The following HSPG2 variants were observed in gnomAD, a reference collection of about 807,000 sequenced individuals.
HSPG2 encodes heparan sulfate proteoglycan 2.
In HSPG2, 278 loss-of-function variants were observed where a neutral mutation model predicts 526.6. That is an observed-to-expected ratio of 0.53 (90% CI 0.48 to 0.58). The LOEUF is 0.58. HSPG2 is among the 20% of genes least tolerant of loss of function. The pLI, the probability that HSPG2 is intolerant of heterozygous loss-of-function variation, is 0.00. For missense variants in HSPG2, 5,354 were observed against 6,099.5 expected (o/e 0.88, Z 4.07); for synonymous variants, 2,465 against 2,555.4 (o/e 0.96, Z 1.07).
At position 21,841,140 on chromosome 1, in the gene HSPG2, C is replaced by A; in HGVS notation, c.9474G>T (p.Gln3158His). The change falls in exon 71 of 97, where the codon CAG becomes CAT. Residue 3158 changes from glutamine (Q) to histidine (H), a missense_variant. Physicochemically the swap from Gln to His is conservative, Grantham distance 24. Coordinates refer to ENST00000374695, the MANE Select transcript of HSPG2 (RefSeq NM_005529.7). ...RISSTPAKLE[Q>H]RTYGLMDSHA... ...GGCTGTCCATGAGCCCATATGTCCG[C>A]TGCTCCAACTTGGCAGGGGTGCTGC... 1 of 1,613,504 alleles carries A rather than the reference C, an allele frequency of 6.2e-7. No homozygotes were observed. Among genetic ancestry groups the A allele is most frequent in the Non-Finnish European group, 8.5e-7 (1 of 1,179,942 alleles).
intron 1 of HSPG2, among the ~76,000 whole-genome samples, chr1:21,924,305 G>A (rs923177307): frequency 2.1e-4 from 32 of 152,308 alleles, no homozygotes; most frequent in African/African-American, 6.3e-4. Flanking sequence ...CGGATGCCTT[G>A]GATCTTGTTG....
chr1:21,842,644 C>A, intron 67 of HSPG2, 126 bp downstream of exon 67: 1 of 1,288,856 alleles, frequency 7.8e-7, no homozygotes, highest in Admixed American at 1.9e-5. Flanking sequence ...TGAACTCGTC[C>A]CGCAAACGTA....
At chr1:21,866,031 A>T (rs4654993) in intron 33 of HSPG2, among the ~76,000 whole-genome samples, 1 of 152,046 alleles carries the variant, frequency 6.6e-6, no homozygotes, top group Admixed American at 6.6e-5. Context: ...GATGCTGAGC[A>T]GCCTCTTTGC....
Position 21,860,108 on chromosome 1 carries a change from G to T in HSPG2, c.5014+69C>A, listed in dbSNP as rs1474887921. On this transcript the variant is annotated intron_variant, in intron 40 of 96. Coordinates refer to ENST00000374695, the MANE Select transcript of HSPG2 (RefSeq NM_005529.7). ...ACCCTCAGCCCTGTCCCCAGACCCA[G>T]TATCCCCCAAATTCCCAGGGCTCCC... is the stretch of plus-strand genomic sequence containing the variant. 8.1e-6 allele frequency: 13 copies of T among 1,604,654 alleles called. No homozygotes were observed. The African/African-American group carries it at 1.6e-4, about 20-fold the overall frequency.
chr1:21,830,180 G>A (rs1193881614), intron 85 of HSPG2, 89 bp from the exon 86 acceptor site: 25 of 1,081,962 alleles, frequency 2.3e-5, no homozygotes, highest in Middle Eastern at 2.7e-4. Context: ...ATCACACCCC[G>A]GGGGGCTGGG....
intron 23 of HSPG2, 21 bp from the exon 24 acceptor site, chr1:21,876,063 G>T: frequency 6.2e-7 from 1 of 1,613,142 alleles, no homozygotes. Flanking sequence ...GGTTAGACAG[G>T]AGCTTGCGGA....
At chr1:21,932,208 C>A (rs1232420475) in intron 1 of HSPG2, among the ~76,000 whole-genome samples, 1 of 152,148 alleles carries the variant, frequency 6.6e-6, no homozygotes, top group Admixed American at 6.5e-5. Flanking sequence ...TACTTGGGAC[C>A]AGAGTTCTTA....
Position 21,861,835 on chromosome 1 carries a change from C to CG in HSPG2, c.4876dup (p.Arg1626ProfsTer4). 1 of 1,613,530 alleles carries CG rather than the reference C, an allele frequency of 6.2e-7. No homozygotes were observed. Among genetic ancestry groups the CG allele is most frequent in the Non-Finnish European group, 8.5e-7 (1 of 1,179,990 alleles). On this transcript the variant is annotated frameshift_variant, in exon 39 of 97. Transcript: ENST00000374695. LOFTEE classifies it high-confidence loss of function. The stretch of plus-strand genomic sequence containing the variant: ...GCCGGCTCCCAGGCTCTCACAGGTG[C>CG]GGGAAAACCTGGGATCGGGGAGGCA...
At chr1:21,905,719 G>A (rs905743688) in intron 1 of HSPG2, among the ~76,000 whole-genome samples, 1 of 152,158 alleles carries the variant, frequency 6.6e-6, no homozygotes, top group African/African-American at 2.4e-5. Context: ...TCCAGCCTGG[G>A]CAATAAGAGT....
At chr1:21,845,894 C>T (rs1246099953) in intron 64 of HSPG2, among the ~76,000 whole-genome samples, 1 of 152,234 alleles carries the variant, frequency 6.6e-6, no homozygotes, top group Non-Finnish European at 1.5e-5. Flanking sequence ...AGTCCAAAGC[C>T]TATGCTCGCA....
rs747577940 is a variant in HSPG2 at position 21,842,208 on chromosome 1, C to T, written c.9052+31G>A. 5 of 1,612,866 alleles carry T rather than the reference C, an allele frequency of 3.1e-6. No homozygotes were observed. The Admixed American group carries it at 6.7e-5, about 22-fold the overall frequency. On this transcript the variant is annotated intron_variant, in intron 68 of 96. Coordinates refer to ENST00000374695, the MANE Select transcript of HSPG2 (RefSeq NM_005529.7). The stretch of plus-strand genomic sequence containing the variant: ...GGCTTAGCTTCAGGGCCCTCCCTTC[C>T]CCCCTTGCCCATGGCATCTGCCATA...
intron 55 of HSPG2, among the ~76,000 whole-genome samples, chr1:21,850,974 C>CT (rs11431222): frequency 0.059 from 8,237 of 140,790 alleles, 782 homozygotes; most frequent in African/African-American, 0.2. Flanking sequence ...CTGTGAGGTA[C>CT]TTTTTTTTTT....
intron 1 of HSPG2, among the ~76,000 whole-genome samples, chr1:21,917,741 A>T (rs994507200): frequency 3.9e-5 from 6 of 152,038 alleles, no homozygotes; most frequent in Admixed American, 2.0e-4. Context: ...TAATCTATTC[A>T]TCCATCCTTC....
At position 21,836,873 on chromosome 1, in the gene HSPG2, A is replaced by T. The variant is rs920268945; in HGVS notation, c.10284T>A (p.Gly3428=). The change falls in exon 75 of 97, where the codon GGT becomes GGA. Residue 3428 remains glycine, a synonymous_variant. Coordinates refer to ENST00000374695, the MANE Select transcript of HSPG2 (RefSeq NM_005529.7). ...CTTCCTTGAACCAACGGAGCTGGGT[A>T]CCCCGGTCGCTGGGCACAGCACAGT... ...EFHCAVPSDR[G]TQLRWFKEGG... The T allele has an allele frequency of 6.3e-7, 1 of 1,576,908 alleles. No homozygotes were observed. The highest frequency in any genetic ancestry group is 1.8e-5 in the Admixed American group (1 of 54,930).
chr1:21,910,359 T>C (rs1643597270), intron 1 of HSPG2, among the ~76,000 whole-genome samples: 1 of 152,196 alleles, frequency 6.6e-6, no homozygotes, highest in Non-Finnish European at 1.5e-5. Context: ...CCCTGTAAGA[T>C]TCAGCACAAA....
intron 25 of HSPG2, 159 bp from the exon 26 acceptor site, chr1:21,875,161 A>C: frequency 1.5e-6 from 1 of 670,666 alleles, no homozygotes. Flanking sequence ...GACCGTGGCA[A>C]ACAGCTGTTA....
chr1:21,884,703 G>T, intron 12 of HSPG2, 29 bp from the exon 13 acceptor site: 1 of 1,610,470 alleles, frequency 6.2e-7, no homozygotes, highest in Non-Finnish European at 8.5e-7. Context: ...GGGGGCTGCA[G>T]CCGGCTGTGG....
In HSPG2 at chr1:21,859,991, G is replaced by A; in HGVS notation, c.5026C>T (p.Pro1676Ser). The change falls in exon 41 of 97, where the codon CCA becomes TCA. Residue 1676 changes from proline (P) to serine (S), a missense_variant. Coordinates refer to ENST00000374695, the MANE Select transcript of HSPG2 (RefSeq NM_005529.7). This position sits in a 1 kb window ranked among gnomAD's most constrained non-coding sequence, Gnocchi z 5.3. Reference protein sequence around the residue: ...GQCLPETNQAPLVVEVHPARS... With the variant: ...GQCLPETNQASLVVEVHPARS... Reference sequence around the variant, plus strand: ...GCAGGATGGACCTCGACCACCAGTGGGGCTTGGTTTGCTGGGGGTGGGGGC... The same window carrying A: ...GCAGGATGGACCTCGACCACCAGTGAGGCTTGGTTTGCTGGGGGTGGGGGC... 6.2e-7 allele frequency: 1 copy of A among 1,610,468 alleles called. No homozygotes were observed. The highest frequency in any genetic ancestry group is 1.1e-5 in the South Asian group (1 of 90,282).
At position 21,851,847 on chromosome 1, in the gene HSPG2, A is replaced by C; in HGVS notation, c.6950T>G (p.Met2317Arg). The change falls in exon 54 of 97, where the codon ATG becomes AGG. Residue 2317 changes from methionine (M) to arginine (R), a missense_variant. Met to Arg is a moderately conservative substitution (Grantham distance 91). Transcript: ENST00000374695. ...GQYVCRASNG[M>R]EASITVTVTG... ...TACTGTGACCGTGATGGAGGCCTCC[A>C]TGCCGTTGCTGGCCCGGCAGACGTA... The C allele has an allele frequency of 6.2e-7, 1 of 1,613,480 alleles. No individual in the cohort carries two copies.
Sources: allele counts gnomAD v4.1 joint callset (sites outside exome capture counted in the v4.1 genomes callset), GRCh38; gene constraint gnomAD v4.1.1; non-coding constraint Gnocchi (gnomAD v3.1); transcripts MANE v1.5; gene names NCBI Gene and HGNC (gene_info 2026-07-23, HGNC 2026-07-21).